The following PARD3B variants were observed in gnomAD, a reference collection of about 807,000 sequenced individuals.
The protein encoded by PARD3B is partitioning defective 3 homolog B.
Under a neutral mutation model 130.2 loss-of-function variants are expected in PARD3B, and 103 were observed. The observed-to-expected ratio is 0.79, with a 90% confidence interval of 0.67 to 0.93. The LOEUF is 0.93. Ranked by LOEUF, PARD3B falls within the 40% of genes least tolerant of loss-of-function variation. The pLI is 0.00. For missense variants in PARD3B, 1,609 were observed against 1,499.2 expected (o/e 1.07, Z -1.21); for synonymous variants, 583 against 553.2 (o/e 1.05, Z -0.76).
In PARD3B at chr2:205,383,707, C is replaced by T. The variant is rs573637602; in HGVS notation, c.2631-17306C>T. ...CCACAGTCATGATACAGAATAGTTC[C>T]ATAACCCCAGATTTCCCCCTCACCC... On this transcript the variant is annotated intron_variant, in intron 18 of 22. Transcript: ENST00000406610. 3.3e-5 allele frequency among the ~76,000 whole-genome samples: 5 copies of T among 152,096 alleles called. No individual in the cohort carries two copies. The East Asian group carries it at 9.7e-4, about 29-fold the overall frequency.
chr2:204,894,017 C>T (rs2046546421), intron 2 of PARD3B, among the ~76,000 whole-genome samples: 1 of 150,792 alleles, frequency 6.6e-6, no homozygotes, highest in African/African-American at 2.4e-5. Flanking sequence ...GTGTCCCTTT[C>T]AAAGACACTA....
chr2:205,479,746 A>T (rs146491892), intron 20 of PARD3B, among the ~76,000 whole-genome samples: 63 of 152,276 alleles, frequency 4.1e-4, no homozygotes, highest in African/African-American at 1.4e-3. Flanking sequence ...CCTGGCTTAA[A>T]ATCTCCTAAT....
intron 2 of PARD3B, among the ~76,000 whole-genome samples, chr2:204,789,786 C>G (rs1355868246): frequency 6.6e-6 from 1 of 151,928 alleles, no homozygotes; most frequent in Non-Finnish European, 1.5e-5. Flanking sequence ...TTTCATTAAC[C>G]TTGTCTACAT....
intron 10 of PARD3B, among the ~76,000 whole-genome samples, chr2:205,152,561 G>A (rs1481746554): frequency 6.6e-6 from 1 of 152,088 alleles, no homozygotes; most frequent in Non-Finnish European, 1.5e-5. Flanking sequence ...ACTGAAGCTT[G>A]TGCATGTGTC....
intron 15 of PARD3B, among the ~76,000 whole-genome samples, chr2:205,203,650 T>C (rs1376160637): frequency 6.6e-6 from 1 of 152,158 alleles, no homozygotes; most frequent in African/African-American, 2.4e-5. Flanking sequence ...CCTCTCCCTG[T>C]GTCCATGTGT....
intron 18 of PARD3B, 76 bp from the exon 19 acceptor site, chr2:205,400,937 A>T: frequency 9.8e-7 from 1 of 1,019,840 alleles, no homozygotes; most frequent in East Asian, 2.6e-5. Flanking sequence ...TAATGAGCTC[A>T]TCCCATAAAT....
intron 2 of PARD3B, among the ~76,000 whole-genome samples, chr2:204,798,722 G>A (rs1420673063): frequency 6.6e-6 from 1 of 151,866 alleles, no homozygotes; most frequent in Non-Finnish European, 1.5e-5. Flanking sequence ...AGGGCACTGG[G>A]CAGTCTTGAG....
At chr2:204,816,758 G>C (rs1310174974) in intron 2 of PARD3B, among the ~76,000 whole-genome samples, 1 of 151,598 alleles carries the variant, frequency 6.6e-6, no homozygotes, top group African/African-American at 2.4e-5. Flanking sequence ...AGTACATTGA[G>C]CTTCCTGGAT....
intron 2 of PARD3B, among the ~76,000 whole-genome samples, chr2:204,718,818 C>T (rs1465985732): frequency 6.6e-6 from 1 of 152,172 alleles, no homozygotes; most frequent in East Asian, 1.9e-4. Context: ...CCTGAGCAAT[C>T]AGTTGTGTTG....
chr2:205,304,233 C>T (rs536595081), intron 18 of PARD3B, among the ~76,000 whole-genome samples: 11 of 152,252 alleles, frequency 7.2e-5, no homozygotes, highest in East Asian at 1.9e-4. Flanking sequence ...ATCTTGGGAG[C>T]GATGTTGCCC....
At chr2:205,517,902 G>A (rs2050860393) in intron 21 of PARD3B, among the ~76,000 whole-genome samples, 2 of 152,078 alleles carry the variant, frequency 1.3e-5, no homozygotes, top group African/African-American at 4.8e-5. Context: ...TTTGAGTGAT[G>A]TCTTAGTCTT....
chr2:205,052,419 G>GTA (rs869192541), intron 4 of PARD3B, among the ~76,000 whole-genome samples: 10 of 39,770 alleles, frequency 2.5e-4, no homozygotes, highest in African/African-American at 9.3e-4. Context: ...ATATATATAT[G>GTA]TATATATATA....
At chr2:205,080,944 T>G (rs1179659984) in intron 4 of PARD3B, among the ~76,000 whole-genome samples, 1 of 152,120 alleles carries the variant, frequency 6.6e-6, no homozygotes, top group Non-Finnish European at 1.5e-5. Context: ...TAGATAGGTC[T>G]CTTGCCCATA....
chr2:205,061,953 G>C (rs570070116), intron 4 of PARD3B, among the ~76,000 whole-genome samples: 1 of 151,926 alleles, frequency 6.6e-6, no homozygotes, highest in East Asian at 1.9e-4. Context: ...AGGAAAGGAC[G>C]GATTATTAAG....
intron 13 of PARD3B, among the ~76,000 whole-genome samples, chr2:205,178,412 CA>C (rs1057321555): frequency 1.7e-4 from 26 of 152,070 alleles, no homozygotes; most frequent in African/African-American, 5.3e-4. Flanking sequence ...AAGATCGTGC[CA>C]CTGTACTCTG....
At chr2:205,037,054 T>C (rs1377522277) in intron 3 of PARD3B, among the ~76,000 whole-genome samples, 1 of 148,124 alleles carries the variant, frequency 6.8e-6, no homozygotes, top group Admixed American at 6.8e-5. Context: ...AAAACAAATA[T>C]ACATATGTAG....
intron 2 of PARD3B, among the ~76,000 whole-genome samples, chr2:204,880,280 T>C (rs914372230): frequency 1.3e-5 from 2 of 152,304 alleles, no homozygotes; most frequent in Middle Eastern, 6.8e-3. Context: ...TTTCATTTAA[T>C]AGTATATGAT....
rs557545127 is a variant in PARD3B at position 204,935,312 on chromosome 2, A to G, written c.223-29840A>G. ...TGGGAGGCCAAGGCGGGCGGATCAC[A>G]AGGTCAGGAGATCAAGACCATCCTG... On this transcript the variant is annotated intron_variant, in intron 2 of 22. Coordinates refer to ENST00000406610, the MANE Select transcript of PARD3B (RefSeq NM_001302769.2). Among the ~76,000 whole-genome samples, 292 of 150,840 alleles carry G rather than the reference A, an allele frequency of 1.9e-3. 2 individuals are homozygous for G. The highest frequency in any genetic ancestry group is 4.2e-3 in the African/African-American group (173 of 41,256).
At chr2:205,455,490 CT>C (rs11316938) in intron 20 of PARD3B, among the ~76,000 whole-genome samples, 29,323 of 151,798 alleles carry the variant, frequency 0.19, 6,014 homozygotes, top group African/African-American at 0.52. Flanking sequence ...TGTTAGTGAA[CT>C]TTGAAGTTGG....
Sources: allele counts gnomAD v4.1 joint callset (sites outside exome capture counted in the v4.1 genomes callset), GRCh38; gene constraint gnomAD v4.1.1; transcripts MANE v1.5; gene names NCBI Gene and HGNC (gene_info 2026-07-23, HGNC 2026-07-21).